ADCK1: variants seen among roughly 807,000 people sequenced by gnomAD.
The protein encoded by ADCK1 is aarF domain-containing protein kinase 1.
A neutral mutation model predicts 52.3 loss-of-function variants in ADCK1; 41 were observed. That is an observed-to-expected ratio of 0.78 (90% CI 0.61 to 1.02). ADCK1 has a LOEUF of 1.02. Ranked by LOEUF, ADCK1 falls within the 50% of genes least tolerant of loss-of-function variation. The probability of loss-of-function intolerance (pLI) is 0.00; values close to 1 mark genes in which losing one functional copy is unlikely to be tolerated. For synonymous variants in ADCK1, 250 were observed against 274.6 expected, an observed-to-expected ratio of 0.91 and a Z score of 0.89; for missense variants, 658 against 679.5, an observed-to-expected ratio of 0.97 and a Z score of 0.35.
intron 4 of ADCK1, among the ~76,000 whole-genome samples, chr14:77,866,406 T>C (rs1377560758): frequency 6.6e-6 from 1 of 152,222 alleles, no homozygotes; most frequent in Non-Finnish European, 1.5e-5. Flanking sequence ...CCCAGCACTC[T>C]ATCTGGTCAG....
intron 4 of ADCK1, among the ~76,000 whole-genome samples, chr14:77,876,211 T>C (rs1212061324): frequency 1.3e-5 from 2 of 152,216 alleles, no homozygotes; most frequent in Non-Finnish European, 2.9e-5. Flanking sequence ...GATTCCCTTT[T>C]CTTGGCTTTT....
intron 3 of ADCK1, chr14:77,828,052 T>C (rs2081756703): frequency 4.7e-6 from 1 of 210,564 alleles, no homozygotes; most frequent in Non-Finnish European, 9.7e-6. Context: ...ATGATCTCCA[T>C]CTCCTGACCT....
At chr14:77,813,780 T>C (rs2081383677) in intron 1 of ADCK1, among the ~76,000 whole-genome samples, 1 of 151,662 alleles carries the variant, frequency 6.6e-6, no homozygotes, top group Non-Finnish European at 1.5e-5. Flanking sequence ...TTTTTTTTGT[T>C]TTTTTTTTGA....
At position 77,934,251 on chromosome 14, in the gene ADCK1, A is replaced by G. The variant is rs1424022671; in HGVS notation, c.*860A>G. The G allele has an allele frequency of 1.3e-5, 2 of 149,730 alleles. No individual in the cohort carries two copies. Among genetic ancestry groups the G allele is most frequent in the African/African-American group, 4.9e-5 (2 of 40,618 alleles). 9.3% of individuals were successfully genotyped at this position (149,730 alleles called of 1,614,324 possible). A position where few individuals can be genotyped will look rare whatever the true frequency, so the allele number is the denominator to read the frequency against. ...CCTTCCAACCTGTGGGGCCACTTCC[A>G]CTATGGGGCCACTTCCTGCTTCTTG... On this transcript the variant is annotated 3_prime_UTR_variant, in exon 11 of 11. Transcript: ENST00000238561.
At chr14:77,805,797 G>C (rs2081211490) in intron 1 of ADCK1, among the ~76,000 whole-genome samples, 1 of 151,754 alleles carries the variant, frequency 6.6e-6, no homozygotes, top group Non-Finnish European at 1.5e-5. Context: ...GGCTCAGTCT[G>C]AAAAAAATCT....
chr14:77,895,431 GTGAGTA>G (rs1445083807), intron 5 of ADCK1, among the ~76,000 whole-genome samples: 1 of 152,214 alleles, frequency 6.6e-6, no homozygotes, highest in Non-Finnish European at 1.5e-5. Context: ...ATTCATTCAT[GTGAGTA>G]TTCAATAAAC....
chr14:77,852,881 G>GTATATATATATATATATATATATATATA (rs1250184497), intron 3 of ADCK1, among the ~76,000 whole-genome samples: 2 of 29,606 alleles, frequency 6.8e-5, no homozygotes, highest in Non-Finnish European at 1.2e-4. Flanking sequence ...TCTTTTATGT[G>GTATATATATATATATATATATATATATA]TGTATATATA....
rs1475895585 is a variant in ADCK1, at chr14:77,924,700, AG to A, written c.1008+97del. On this transcript the variant is annotated intron_variant, in intron 8 of 10. Transcript: ENST00000238561. Reference sequence around the variant, plus strand: ...CTGCAGAACCGGGAGGGAGATAGCGAGGGTAGCTGGAAAGGACCCTTCCCTC... The same window carrying A: ...CTGCAGAACCGGGAGGGAGATAGCGAGGTAGCTGGAAAGGACCCTTCCCTC... 2.0e-6 allele frequency: 3 copies of A among 1,515,888 alleles called. No individual in the cohort carries two copies. The East Asian group carries it at 6.9e-5, about 35-fold the overall frequency. 93.9% of individuals were successfully genotyped at this position (1,515,888 alleles called of 1,614,324 possible).
chr14:77,886,798 T>C (rs1268808527), intron 4 of ADCK1, among the ~76,000 whole-genome samples: 1 of 152,000 alleles, frequency 6.6e-6, no homozygotes, highest in African/African-American at 2.4e-5. Context: ...TCCCAGCTAC[T>C]CAGGAGACTG....
At chr14:77,837,010 G>T (rs746976500) in intron 3 of ADCK1, among the ~76,000 whole-genome samples, 1 of 151,632 alleles carries the variant, frequency 6.6e-6, no homozygotes, top group Non-Finnish European at 1.5e-5. Flanking sequence ...GGCTGGTCTC[G>T]AACTCCTGAC....
At chr14:77,844,887 G>A (rs1474092584) in intron 3 of ADCK1, among the ~76,000 whole-genome samples, 1 of 152,236 alleles carries the variant, frequency 6.6e-6, no homozygotes, top group African/African-American at 2.4e-5. Context: ...CTGAGTGCAG[G>A]TTGGAGAATA....
At chr14:77,894,680 C>G (rs577892605) in intron 5 of ADCK1, among the ~76,000 whole-genome samples, 1 of 144,780 alleles carries the variant, frequency 6.9e-6, no homozygotes. Flanking sequence ...TTCCCCTTCT[C>G]TTTTGCTATT....
At chr14:77,840,642 G>A (rs1297149173) in intron 3 of ADCK1, among the ~76,000 whole-genome samples, 1 of 152,096 alleles carries the variant, frequency 6.6e-6, no homozygotes, top group African/African-American at 2.4e-5. Flanking sequence ...GAGGCCAGGT[G>A]TTCAAGACCA....
intron 1 of ADCK1, among the ~76,000 whole-genome samples, chr14:77,807,804 C>T (rs975822195): frequency 3.9e-5 from 6 of 152,080 alleles, no homozygotes; most frequent in African/African-American, 1.2e-4. Context: ...CCACCATGCC[C>T]GGCAATTTTT....
intron 1 of ADCK1, among the ~76,000 whole-genome samples, chr14:77,805,252 C>CTTTTT (rs777184096): frequency 4.8e-5 from 3 of 62,310 alleles, no homozygotes; most frequent in Admixed American, 2.0e-4. Flanking sequence ...GCTTTGCATT[C>CTTTTT]TTTTTTTTTT....
chr14:77,881,007 T>C (rs2083010293), intron 4 of ADCK1, among the ~76,000 whole-genome samples: 1 of 152,256 alleles, frequency 6.6e-6, no homozygotes. Flanking sequence ...AGGCACCATC[T>C]GGGATCATCA....
chr14:77,853,600 C>G (rs1245606037), intron 3 of ADCK1, among the ~76,000 whole-genome samples: 2 of 152,072 alleles, frequency 1.3e-5, no homozygotes, highest in Non-Finnish European at 2.9e-5. Flanking sequence ...GACGCAAGGC[C>G]CTTCTGGGTG....
In ADCK1 at chr14:77,934,831, A is replaced by T. The variant is rs1386707129; in HGVS notation, c.*1440A>T. On this transcript the variant is annotated 3_prime_UTR_variant, in exon 11 of 11. Transcript: ENST00000238561. Reference sequence around the variant, plus strand: ...AGCAGATTTTTCAGTGATCAGTGACAATTCACAATCCTTTTATTTCCCAAA... The same window carrying T: ...AGCAGATTTTTCAGTGATCAGTGACTATTCACAATCCTTTTATTTCCCAAA... 2 of 152,224 alleles carry T rather than the reference A, an allele frequency of 1.3e-5. No individual in the cohort carries two copies. Among genetic ancestry groups the T allele is most frequent in the Non-Finnish European group, 2.9e-5 (2 of 68,040 alleles). The allele number at this position is 152,224 out of a possible 1,614,324, so 9.4% of individuals were successfully genotyped here.
At chr14:77,902,859 C>T (rs899551904) in intron 6 of ADCK1, 3 of 152,236 alleles carry the variant, frequency 2.0e-5, no homozygotes, top group African/African-American at 7.2e-5. Context: ...TGAGTCCTTC[C>T]AGCAGGCATC....
Sources: gnomAD v4.1 joint callset for allele counts (sites outside exome capture counted in the v4.1 genomes callset) on GRCh38, gnomAD v4.1.1 for gene constraint, MANE v1.5 for transcripts, NCBI Gene and HGNC (gene_info 2026-07-23, HGNC 2026-07-21) for gene names.